JAKMIP1: variants seen among roughly 807,000 people sequenced by gnomAD.
JAKMIP1 encodes the protein janus kinase and microtubule interacting protein 1.
Under a neutral mutation model 113.0 loss-of-function variants are expected in JAKMIP1, and 33 were observed. The ratio of observed to expected loss-of-function variants is 0.29; its 90% confidence interval spans 0.22 to 0.39. The LOEUF is 0.39. JAKMIP1 is among the 10% of genes least tolerant of loss of function. The pLI is 1.00. For synonymous variants in JAKMIP1, 480 were observed against 459.9 expected, an observed-to-expected ratio of 1.04 and a Z score of -0.56; for missense variants, 813 against 1,080.5, an observed-to-expected ratio of 0.75 and a Z score of 3.47.
intron 18 of JAKMIP1, among the ~76,000 whole-genome samples, chr4:6,038,746 C>A (rs972838908): frequency 6.6e-6 from 1 of 152,218 alleles, no homozygotes; most frequent in African/African-American, 2.4e-5. Flanking sequence ...AGCTGCGGGG[C>A]CCCCAGGTGG....
intron 1 of JAKMIP1, among the ~76,000 whole-genome samples, chr4:6,151,464 G>A (rs1289997342): frequency 2.0e-5 from 3 of 152,062 alleles, no homozygotes; most frequent in Non-Finnish European, 4.4e-5. Flanking sequence ...TGCCCAAGCT[G>A]TTCTCTCTGC....
Position 6,077,372 on chromosome 4 carries a change from G to C in JAKMIP1, c.1302+1567C>G, listed in dbSNP as rs372404167. On this transcript the variant is annotated intron_variant, in intron 8 of 20. Coordinates refer to ENST00000409021, the MANE Select transcript of JAKMIP1 (RefSeq NM_001099433.2). ...CTGGGAAACCACTCTAAGCTAGGAAGAGGAAAGGAGGGGTCTGCTACGGGT... is the reference window on the plus strand; with the variant it reads ...CTGGGAAACCACTCTAAGCTAGGAACAGGAAAGGAGGGGTCTGCTACGGGT... 1.2e-3 allele frequency among the ~76,000 whole-genome samples: 189 copies of C among 152,166 alleles called. 5 individuals are homozygous for C. The South Asian group carries it at 0.035, about 28-fold the overall frequency.
At chr4:6,104,760 C>T (rs1007991274) in intron 3 of JAKMIP1, among the ~76,000 whole-genome samples, 2 of 152,222 alleles carry the variant, frequency 1.3e-5, no homozygotes, top group Non-Finnish European at 2.9e-5. Flanking sequence ...AGCTGTCATT[C>T]TGCCTTTCCA....
intron 11 of JAKMIP1, among the ~76,000 whole-genome samples, chr4:6,057,228 C>T (rs969535555): frequency 4.6e-5 from 7 of 152,230 alleles, no homozygotes; most frequent in Non-Finnish European, 8.8e-5. Context: ...TCCGTCTTGT[C>T]GCTGTGGCAC....
chr4:6,090,522 G>A (rs907057077), intron 3 of JAKMIP1, among the ~76,000 whole-genome samples: 1 of 152,222 alleles, frequency 6.6e-6, no homozygotes, highest in Non-Finnish European at 1.5e-5. Context: ...GAAACTAACA[G>A]AGCACCACAC....
At chr4:6,032,655 CACAACACAAA>C (rs1241399561) in intron 19 of JAKMIP1, among the ~76,000 whole-genome samples, 10 of 129,542 alleles carry the variant, frequency 7.7e-5, no homozygotes, top group African/African-American at 1.5e-4. Context: ...GTTAGAACAA[CACAACACAAA>C]ACAAAACAAA....
In JAKMIP1 at chr4:6,153,487, T is replaced by C. The variant is rs1721859469; in HGVS notation, c.-147-40490A>G. Reference sequence around the variant, plus strand: ...GTGTTTCCCAAACCTCAGTCATCAGTTGCCGCCGCTGTGACTTCTGCATAA... The same window carrying C: ...GTGTTTCCCAAACCTCAGTCATCAGCTGCCGCCGCTGTGACTTCTGCATAA... On this transcript the variant is annotated intron_variant, in intron 1 of 20. Coordinates refer to ENST00000409021, the MANE Select transcript of JAKMIP1 (RefSeq NM_001099433.2). The surrounding 1 kb of genome is among the most constrained non-coding windows in gnomAD (Gnocchi z 4.9). 6.6e-6 allele frequency among the ~76,000 whole-genome samples: 1 copy of C among 152,236 alleles called. No individual in the cohort carries two copies. Among genetic ancestry groups the C allele is most frequent in the Non-Finnish European group, 1.5e-5 (1 of 68,036 alleles).
chr4:6,144,491 G>C (rs1428423886), intron 1 of JAKMIP1, among the ~76,000 whole-genome samples: 1 of 152,072 alleles, frequency 6.6e-6, no homozygotes, highest in African/African-American at 2.4e-5. Context: ...CACAATACTA[G>C]AAAACCAAAT....
At chr4:6,039,907 C>A (rs1403099133) in intron 18 of JAKMIP1, among the ~76,000 whole-genome samples, 1 of 152,072 alleles carries the variant, frequency 6.6e-6, no homozygotes, top group Non-Finnish European at 1.5e-5. Context: ...AGGTGCAAAC[C>A]CATTTTTGTA....
At chr4:6,055,558 G>A (rs899267022) in intron 12 of JAKMIP1, among the ~76,000 whole-genome samples, 7 of 152,258 alleles carry the variant, frequency 4.6e-5, no homozygotes, top group African/African-American at 4.8e-5. Context: ...TGCCTCAGGC[G>A]CCCACCACAC....
chr4:6,128,137 AC>A (rs1717995769), intron 1 of JAKMIP1, among the ~76,000 whole-genome samples: 1 of 152,170 alleles, frequency 6.6e-6, no homozygotes, highest in African/African-American at 2.4e-5. Flanking sequence ...GAAACTGGCC[AC>A]AGTCATGTGG....
Position 6,154,831 on chromosome 4 carries a change from C to T in JAKMIP1, c.-147-41834G>A, listed in dbSNP as rs7659151. Reference sequence around the variant, plus strand: ...TGGACAGTCCTTCCTTCCTCCTCCACTTGGGAAGCTCCTATTCATTCCTCG... The same window carrying T: ...TGGACAGTCCTTCCTTCCTCCTCCATTTGGGAAGCTCCTATTCATTCCTCG... On this transcript the variant is annotated intron_variant, in intron 1 of 20. Transcript: ENST00000409021. The surrounding 1 kb of genome is among the most constrained non-coding windows in gnomAD (Gnocchi z 4.2). Among the ~76,000 whole-genome samples, 3,038 of 152,240 alleles carry T rather than the reference C, an allele frequency of 0.02. 94 individuals are homozygous for T. Among genetic ancestry groups the T allele is most frequent in the African/African-American group, 0.064 (2,664 of 41,522 alleles).
rs1475003708 is a variant in JAKMIP1, at chr4:6,143,686, T to C, written c.-147-30689A>G. ...TGTTAGGAGTTAAAATTCTTTGGCC[T>C]CAACAGTAACCTACTGAACAGAACG... On this transcript the variant is annotated intron_variant, in intron 1 of 20. Coordinates refer to ENST00000409021, the MANE Select transcript of JAKMIP1 (RefSeq NM_001099433.2). The surrounding 1 kb of genome is among the most constrained non-coding windows in gnomAD (Gnocchi z 4.9). Among the ~76,000 whole-genome samples the C allele has an allele frequency of 3.3e-5, 5 of 152,212 alleles. No individual in the cohort carries two copies. The East Asian group carries it at 9.6e-4, about 29-fold the overall frequency.
chr4:6,085,275 A>G, intron 4 of JAKMIP1, 145 bp downstream of exon 4: 2 of 798,842 alleles, frequency 2.5e-6, no homozygotes, highest in Middle Eastern at 3.7e-4. Context: ...CAGCACAAAG[A>G]ACTTATAACA....
chr4:6,102,936 T>C (rs1208317847), intron 3 of JAKMIP1, among the ~76,000 whole-genome samples: 2 of 151,946 alleles, frequency 1.3e-5, no homozygotes, highest in Non-Finnish European at 2.9e-5. Flanking sequence ...GGTTTCACTG[T>C]GTTAGCCAGG....
rs1717340430 is a variant in JAKMIP1 at position 6,061,945 on chromosome 4, T to A, written c.1560+367A>T. 6.6e-6 allele frequency among the ~76,000 whole-genome samples: 1 copy of A among 152,066 alleles called. No individual in the cohort carries two copies. Among genetic ancestry groups the A allele is most frequent in the East Asian group, 1.9e-4 (1 of 5,180 alleles). On this transcript the variant is annotated intron_variant, in intron 10 of 20. Coordinates refer to ENST00000409021, the MANE Select transcript of JAKMIP1 (RefSeq NM_001099433.2). The surrounding 1 kb of genome is among the most constrained non-coding windows in gnomAD (Gnocchi z 5.3). ...GAGTCCCTGCAAGTGTTCTGGTGGA[T>A]GTCCTGGAGGGCGGGGGGCTGGCAG...
chr4:6,066,259 A>G (rs1031505084), intron 8 of JAKMIP1, among the ~76,000 whole-genome samples: 9 of 152,146 alleles, frequency 5.9e-5, no homozygotes, highest in Admixed American at 5.9e-4. Context: ...GACTGGCACC[A>G]GAGTTAATAA....
chr4:6,081,831 G>C lies in JAKMIP1; in HGVS notation c.955-76C>G. ...CGAGGTCACAGCACCGAGGTGAGCA[G>C]AGACTCAACCCAGTTAGGACCCCTT... On this transcript the variant is annotated intron_variant, in intron 5 of 20. Coordinates refer to ENST00000409021, the MANE Select transcript of JAKMIP1 (RefSeq NM_001099433.2). The surrounding 1 kb of genome is among the most constrained non-coding windows in gnomAD (Gnocchi z 4.6). 1.3e-6 allele frequency: 2 copies of C among 1,567,914 alleles called. No homozygotes were observed. Among genetic ancestry groups the C allele is most frequent in the Admixed American group, 3.4e-5 (2 of 58,982 alleles).
intron 8 of JAKMIP1, among the ~76,000 whole-genome samples, chr4:6,066,542 G>A (rs1718108717): frequency 6.6e-6 from 1 of 152,020 alleles, no homozygotes; most frequent in Non-Finnish European, 1.5e-5. Flanking sequence ...AATCCTAGCG[G>A]GCAGTGACTT....
Sources: allele counts gnomAD v4.1 joint callset (sites outside exome capture counted in the v4.1 genomes callset), GRCh38; gene constraint gnomAD v4.1.1; non-coding constraint Gnocchi (gnomAD v3.1); transcripts MANE v1.5; gene names NCBI Gene and HGNC (gene_info 2026-07-23, HGNC 2026-07-21).